Variants in ZPBP observed in about 807,000 individuals in gnomAD.
The protein encoded by ZPBP is zona pellucida binding protein, also known as zona pellucida-binding protein 1.
A neutral mutation model predicts 44.8 loss-of-function variants in ZPBP; 26 were observed. The observed-to-expected ratio is 0.58, with a 90% CI of 0.43 to 0.81. The LOEUF (loss-of-function observed/expected upper bound fraction) is 0.81. Ranked by LOEUF, ZPBP falls within the 30% of genes least tolerant of loss-of-function variation. ZPBP has a pLI of 0.00. For missense variants in ZPBP, 409 were observed against 434.0 expected (o/e 0.94, Z 0.51); for synonymous variants, 174 against 153.2 (o/e 1.14, Z -1.00).
chr7:50,030,931 T>C (rs906250993), intron 5 of ZPBP, among the ~76,000 whole-genome samples, 161 bp downstream of exon 5: 10 of 152,200 alleles, frequency 6.6e-5, no homozygotes, highest in African/African-American at 2.4e-4. Context: ...CAGAATTCTA[T>C]TTGAGGGGTT....
rs144365984 is a variant in ZPBP, at chr7:49,953,312, AG to A, written c.962-15691del. On this transcript the variant is annotated intron_variant, in intron 7 of 7. Transcript: ENST00000046087. ...AATATTTTACACAACAGCAATCAGC[AG>A]GTATGTGTGAGGAAGCTATGTTAGT... is the stretch of plus-strand genomic sequence containing the variant. Among the ~76,000 whole-genome samples the A allele has an allele frequency of 7.6e-3, 1,150 of 152,256 alleles. 24 individuals are homozygous for A. Among genetic ancestry groups the A allele is most frequent in the African/African-American group, 0.026 (1,090 of 41,556 alleles).
intron 3 of ZPBP, among the ~76,000 whole-genome samples, chr7:50,071,686 A>G (rs1801846326): frequency 6.6e-6 from 1 of 152,154 alleles, no homozygotes; most frequent in Non-Finnish European, 1.5e-5. Flanking sequence ...GCCCAAGCAC[A>G]GTAGGATAGA....
Position 49,867,840 on chromosome 7 carries a change from AT to A in ZPBP, n.510-17327del, listed in dbSNP as rs140005386. On this transcript the variant is annotated intron_variant and non_coding_transcript_variant, in intron 2 of 2. Coordinates refer to the ZPBP transcript ENST00000465922. The stretch of plus-strand genomic sequence containing the variant: ...TTTCTATTTTTTATTTTATTATTTT[AT>A]TTTATTTTTTGAGGTGGAGTCTTGC... Among the ~76,000 whole-genome samples the A allele has an allele frequency of 3.5e-5, 5 of 141,054 alleles. No homozygotes were observed. The East Asian group carries it at 1.3e-3, about 37-fold the overall frequency. The allele number at this position is 141,054 out of a possible 152,430, so 92.5% of individuals were successfully genotyped here.
intron 2 of ZPBP, among the ~76,000 whole-genome samples, chr7:49,878,132 A>C (rs1471168962): frequency 6.6e-6 from 1 of 152,014 alleles, no homozygotes; most frequent in East Asian, 1.9e-4. Context: ...TGGTGCTTCT[A>C]CCCACAGCCT....
chr7:50,052,682 A>G (rs1029655961), intron 4 of ZPBP, among the ~76,000 whole-genome samples: 2 of 152,210 alleles, frequency 1.3e-5, no homozygotes, highest in African/African-American at 4.8e-5. Context: ...GCAACAGCCA[A>G]AAACGCAAAG....
chr7:50,018,201 TA>T, intron 6 of ZPBP, 38 bp downstream of exon 6: 2 of 1,522,072 alleles, frequency 1.3e-6, no homozygotes, highest in African/African-American at 1.4e-5. Flanking sequence ...CATGTTCATT[TA>T]ACTTTTTTTT....
At chr7:49,962,729 T>C (rs1488731466) in intron 7 of ZPBP, among the ~76,000 whole-genome samples, 2 of 151,690 alleles carry the variant, frequency 1.3e-5, no homozygotes, top group Non-Finnish European at 3.0e-5. Flanking sequence ...TAAAGAAAAA[T>C]CCTAAAAATC....
rs564905826 is a variant in ZPBP at position 50,048,437 on chromosome 7, T to C, written c.487+9552A>G. Among the ~76,000 whole-genome samples, 58 of 152,184 alleles carry C rather than the reference T, an allele frequency of 3.8e-4. 4 individuals are homozygous for C. In the South Asian group the frequency reaches 0.011, roughly 29 times the overall value. Reference sequence around the variant, plus strand: ...AATATGCATTCTTCTCAAATACACATGGAACATTCTCAAGGATAAAGCATA... The same window carrying C: ...AATATGCATTCTTCTCAAATACACACGGAACATTCTCAAGGATAAAGCATA... On this transcript the variant is annotated intron_variant, in intron 4 of 7. Coordinates refer to ENST00000046087, the MANE Select transcript of ZPBP (RefSeq NM_007009.3).
intron 3 of ZPBP, among the ~76,000 whole-genome samples, chr7:50,079,917 A>G (rs898039383): frequency 6.6e-6 from 1 of 151,684 alleles, no homozygotes; most frequent in African/African-American, 2.4e-5. Flanking sequence ...AATAAATGCA[A>G]TTACCTTTGT....
At chr7:49,858,463 C>A (rs1790513847) in intron 2 of ZPBP, among the ~76,000 whole-genome samples, 1 of 151,044 alleles carries the variant, frequency 6.6e-6, no homozygotes, top group Non-Finnish European at 1.5e-5. Context: ...GGACAAAAAA[C>A]CAAACACCGC....
At chr7:50,044,052 T>G (rs1800221768) in intron 4 of ZPBP, among the ~76,000 whole-genome samples, 1 of 152,140 alleles carries the variant, frequency 6.6e-6, no homozygotes, top group South Asian at 2.1e-4. Context: ...GACAATCTGC[T>G]CCTGAATGAC....
chr7:49,867,029 T>G (rs1447073477), intron 2 of ZPBP, among the ~76,000 whole-genome samples: 2 of 152,178 alleles, frequency 1.3e-5, no homozygotes, highest in Non-Finnish European at 2.9e-5. Context: ...TCAGGACTGA[T>G]CTCATTATCT....
intron 2 of ZPBP, among the ~76,000 whole-genome samples, chr7:49,888,331 CTAT>C (rs1199604067): frequency 6.6e-6 from 1 of 152,142 alleles, no homozygotes; most frequent in Admixed American, 6.5e-5. Flanking sequence ...AACTCTGTAG[CTAT>C]TATTTAGATG....
chr7:49,875,463 G>C (rs1428949442), intron 2 of ZPBP, among the ~76,000 whole-genome samples: 4 of 149,200 alleles, frequency 2.7e-5, no homozygotes. Context: ...TTGAAGGTCA[G>C]TTCACTCACA....
intron 7 of ZPBP, among the ~76,000 whole-genome samples, chr7:49,975,083 G>C (rs1796448535): frequency 1.3e-5 from 2 of 152,140 alleles, no homozygotes; most frequent in Admixed American, 6.5e-5. Flanking sequence ...TTTGCTTTCA[G>C]TCTGCGAAAC....
intron 2 of ZPBP, among the ~76,000 whole-genome samples, chr7:49,875,438 G>GA (rs142568255): frequency 0.033 from 4,159 of 127,666 alleles, 170 homozygotes; most frequent in South Asian, 0.12. Flanking sequence ...TTAAAAATAG[G>GA]AAAAAAAAAA....
At chr7:49,856,602 G>T (rs1790426035) in intron 2 of ZPBP, among the ~76,000 whole-genome samples, 1 of 152,138 alleles carries the variant, frequency 6.6e-6, no homozygotes, top group South Asian at 2.1e-4. Flanking sequence ...CACACAATTA[G>T]TGTTTACAAT....
intron 7 of ZPBP, among the ~76,000 whole-genome samples, chr7:49,976,994 C>A (rs768013734): frequency 5.9e-5 from 9 of 151,956 alleles, no homozygotes; most frequent in Middle Eastern, 3.4e-3. Flanking sequence ...CCCAGCTGCT[C>A]GGGCGCCTGA....
intron 3 of ZPBP, among the ~76,000 whole-genome samples, chr7:50,062,928 C>T (rs572616115): frequency 4.1e-5 from 6 of 145,468 alleles, no homozygotes; most frequent in Admixed American, 1.4e-4. Context: ...CCAGCCCAGT[C>T]GGATTAATAT....
Sources: allele counts gnomAD v4.1 joint callset (sites outside exome capture counted in the v4.1 genomes callset), GRCh38; gene constraint gnomAD v4.1.1; transcripts MANE v1.5; gene names NCBI Gene and HGNC (gene_info 2026-07-23, HGNC 2026-07-21).